The following NRXN3 variants were observed in gnomAD, a reference collection of about 807,000 sequenced individuals.
NRXN3 encodes neurexin 3.
A neutral mutation model predicts 137.6 loss-of-function variants in NRXN3; 32 were observed. The observed-to-expected ratio is 0.23, with a 90% CI of 0.18 to 0.31. The LOEUF is 0.31. Among genes scored for constraint, NRXN3 ranks in the 10% least tolerant of loss-of-function variants. The probability of loss-of-function intolerance (pLI) is 1.00; values close to 1 mark genes in which losing one functional copy is unlikely to be tolerated. For missense variants in NRXN3, 1,574 were observed against 2,062.5 expected (o/e 0.76, Z 4.59); for synonymous variants, 798 against 784.5 (o/e 1.02, Z -0.29).
chr14:78,901,180 T>C (rs553277090), intron 10 of NRXN3, among the ~76,000 whole-genome samples: 2 of 152,176 alleles, frequency 1.3e-5, no homozygotes, highest in South Asian at 4.1e-4. Flanking sequence ...CAGGTAACCC[T>C]TGATGGGGGA....
chr14:78,278,493 C>T (rs2073938916), intron 2 of NRXN3, 152 bp from the exon 3 acceptor site: 1 of 678,546 alleles, frequency 1.5e-6, no homozygotes, highest in Non-Finnish European at 2.6e-6. Flanking sequence ...ACTAAGTGCT[C>T]AGAAGCTGAG....
chr14:78,398,214 CAAAAA>C (rs55841376), intron 4 of NRXN3, among the ~76,000 whole-genome samples: 20 of 128,226 alleles, frequency 1.6e-4, no homozygotes, highest in South Asian at 1.0e-3. Context: ...AACTCTGTTT[CAAAAA>C]AAAAAAAAAA....
At chr14:78,300,042 A>T (rs558234876) in intron 4 of NRXN3, among the ~76,000 whole-genome samples, 1 of 152,230 alleles carries the variant, frequency 6.6e-6, no homozygotes, top group South Asian at 2.1e-4. Flanking sequence ...TACCTAAAAA[A>T]CCGATACTCT....
intron 16 of NRXN3, among the ~76,000 whole-genome samples, chr14:79,602,383 T>C (rs2097935872): frequency 6.6e-6 from 1 of 152,236 alleles, no homozygotes; most frequent in Non-Finnish European, 1.5e-5. Flanking sequence ...CTCAGTTACT[T>C]TTGAATTAAA....
chr14:79,084,088 T>A (rs4903827), intron 15 of NRXN3, among the ~76,000 whole-genome samples: 139,472 of 151,914 alleles, frequency 0.92, 64,923 homozygotes, highest in Non-Finnish European at 0.99. Flanking sequence ...TTATTTATTT[T>A]TTTTTTTGTA....
At chr14:79,138,468 A>G (rs370619582) in intron 15 of NRXN3, among the ~76,000 whole-genome samples, 2 of 152,256 alleles carry the variant, frequency 1.3e-5, no homozygotes, top group African/African-American at 4.8e-5. Context: ...TCAGACATGT[A>G]TGTTCTGAAA....
At chr14:78,296,060 C>CTTTT (rs1204627546) in intron 3 of NRXN3, among the ~76,000 whole-genome samples, 1 of 130,218 alleles carries the variant, frequency 7.7e-6, no homozygotes, top group Non-Finnish European at 1.7e-5. Flanking sequence ...CTCTCTCTGT[C>CTTTT]TTTTTTTTTT....
At position 78,602,828 on chromosome 14, in the gene NRXN3, A is replaced by T. The variant is rs1453684810; in HGVS notation, c.758-42292A>T. On this transcript the variant is annotated intron_variant, in intron 4 of 20. Coordinates refer to ENST00000335750, the MANE Select transcript of NRXN3 (RefSeq NM_001330195.2). ...GGGGAAAGCTGTGTCTCATAAATCC[A>T]CTTTGCTACTGGGTCAGAGAGATGC... is the stretch of plus-strand genomic sequence containing the variant. Among the ~76,000 whole-genome samples, 5 of 152,116 alleles carry T rather than the reference A, an allele frequency of 3.3e-5. No homozygotes were observed. In the East Asian group the frequency reaches 5.8e-4, roughly 18 times the overall value.
At chr14:78,502,977 A>G (rs1479789520) in intron 4 of NRXN3, among the ~76,000 whole-genome samples, 2 of 152,180 alleles carry the variant, frequency 1.3e-5, no homozygotes, top group Non-Finnish European at 2.9e-5. Flanking sequence ...TTTTTGCATC[A>G]GATGATATCT....
intron 10 of NRXN3, among the ~76,000 whole-genome samples, chr14:78,833,930 AT>A (rs2098989236): frequency 6.6e-6 from 1 of 152,218 alleles, no homozygotes; most frequent in Non-Finnish European, 1.5e-5. Context: ...AAGACAGCTT[AT>A]ATTTTAGAGG....
intron 4 of NRXN3, among the ~76,000 whole-genome samples, chr14:78,469,071 C>G (rs774826995): frequency 6.6e-6 from 1 of 152,070 alleles, no homozygotes; most frequent in Admixed American, 6.6e-5. Flanking sequence ...CAAGGAGAAA[C>G]CTTCTCCACC....
intron 15 of NRXN3, among the ~76,000 whole-genome samples, chr14:79,014,861 G>C (rs963988791): frequency 6.6e-6 from 1 of 152,136 alleles, no homozygotes; most frequent in Non-Finnish European, 1.5e-5. Flanking sequence ...GCCCTTGGGG[G>C]CTTGATTGTG....
Position 78,537,860 on chromosome 14 carries a change from A to G in NRXN3, c.758-107260A>G, listed in dbSNP as rs184850368. The stretch of plus-strand genomic sequence containing the variant: ...CAGTTTTCCCAGCACCATTTATTAA[A>G]TAGGGAATCCTTTCCCCATTTCTTG... On this transcript the variant is annotated intron_variant, in intron 4 of 20. Coordinates refer to ENST00000335750, the MANE Select transcript of NRXN3 (RefSeq NM_001330195.2). Among the ~76,000 whole-genome samples, 313 of 152,300 alleles carry G rather than the reference A, an allele frequency of 2.1e-3. 5 individuals carry two copies. Among genetic ancestry groups the G allele is most frequent in the Admixed American group, 0.02 (313 of 15,294 alleles).
chr14:78,978,081 T>G (rs959010924), intron 14 of NRXN3, among the ~76,000 whole-genome samples: 6 of 152,310 alleles, frequency 3.9e-5, no homozygotes, highest in Admixed American at 2.0e-4. Flanking sequence ...AAAAGGGTGT[T>G]AGTGAAACTG....
At chr14:79,607,912 C>T (rs1466584991) in intron 16 of NRXN3, among the ~76,000 whole-genome samples, 1 of 152,104 alleles carries the variant, frequency 6.6e-6, no homozygotes, top group Non-Finnish European at 1.5e-5. Flanking sequence ...CTGAAGTGAT[C>T]CACCAGCCTC....
In NRXN3 at chr14:78,999,424, T is replaced by C. The variant is rs2099537027; in HGVS notation, c.3262+11283T>C. 1.3e-5 allele frequency among the ~76,000 whole-genome samples: 2 copies of C among 152,186 alleles called. 1 individual carries two copies. Among genetic ancestry groups the C allele is most frequent in the South Asian group, 4.2e-4 (2 of 4,816 alleles). ...TCAGGCACATAACAGATACTCAAAA[T>C]ATATTTGTTGGTTGAATGACTGAGT... On this transcript the variant is annotated intron_variant, in intron 15 of 20. Coordinates refer to ENST00000335750, the MANE Select transcript of NRXN3 (RefSeq NM_001330195.2).
In NRXN3 at chr14:78,966,051, T is replaced by C. The variant is rs1457425443; in HGVS notation, c.2422T>C (p.Leu808=). The change falls in exon 12 of 21, where the codon TTG becomes CTG. Residue 808 remains leucine (L), a synonymous_variant. Transcript: ENST00000335750. ...EGTMVGDHTR[L]EFHNIETGIM... ...TACAATGGTGGGAGACCATACCCGT[T>C]TGGAGTTCCACAACATTGAAACGGG... The C allele has an allele frequency of 2.0e-5, 33 of 1,614,168 alleles. No individual in the cohort carries two copies. Among genetic ancestry groups the C allele is most frequent in the Non-Finnish European group, 2.8e-5 (33 of 1,180,020 alleles).
intron 17 of NRXN3, among the ~76,000 whole-genome samples, chr14:79,678,597 G>A (rs1166212258): frequency 6.6e-6 from 1 of 152,134 alleles, no homozygotes; most frequent in East Asian, 1.9e-4. Context: ...AAGCACTTGT[G>A]AGGATTCCAA....
intron 8 of NRXN3, among the ~76,000 whole-genome samples, chr14:78,740,955 G>A (rs1446383641): frequency 2.6e-5 from 4 of 152,084 alleles, no homozygotes; most frequent in Admixed American, 6.6e-5. Context: ...GGGCTTTGCT[G>A]TTCTTATTTT....
Sources: allele counts gnomAD v4.1 joint callset (sites outside exome capture counted in the v4.1 genomes callset), GRCh38; gene constraint gnomAD v4.1.1; transcripts MANE v1.5; gene names NCBI Gene and HGNC (gene_info 2026-07-23, HGNC 2026-07-21).